CREM: variants seen among roughly 807,000 people sequenced by gnomAD.
CREM encodes cAMP responsive element modulator.
Under a neutral mutation model 37.3 loss-of-function variants are expected in CREM, and 13 were observed. The ratio of observed to expected loss-of-function variants is 0.35; its 90% CI spans 0.23 to 0.55. The LOEUF (loss-of-function observed/expected upper bound fraction) is 0.55. Ranked by LOEUF, CREM falls within the 20% of genes least tolerant of loss-of-function variation. The pLI, the probability that CREM is intolerant of heterozygous loss-of-function variation, is 0.88. For missense variants in CREM, 296 were observed against 362.3 expected (o/e 0.82, Z 1.49); for synonymous variants, 124 against 120.2 (o/e 1.03, Z -0.21).
At chr10:35,175,945 A>G in intron 3 of CREM, 1 of 1,551,492 alleles carries the variant, frequency 6.4e-7, no homozygotes, top group Non-Finnish European at 8.7e-7. Flanking sequence ...TCCAGGGAGT[A>G]ATTCAGACAC....
rs116004903 is a variant in CREM at position 35,181,373 on chromosome 10, A to C, written c.409+2097A>C. On this transcript the variant is annotated intron_variant, in intron 5 of 7. Coordinates refer to ENST00000685392, the MANE Select transcript of CREM (RefSeq NM_183011.2). ...AGACATGCTACTATTGGCATGAAAC[A>C]GAGAAATTAAGTTAGGTGTACCATT... 4.1e-3 allele frequency among the ~76,000 whole-genome samples: 617 copies of C among 152,326 alleles called. 5 individuals carry two copies. The highest frequency in any genetic ancestry group is 0.013 in the African/African-American group (537 of 41,560).
At position 35,157,054 on chromosome 10, in the gene CREM, G is replaced by A. The variant is rs531893569; in HGVS notation, c.168+8563G>A. 9.9e-5 allele frequency among the ~76,000 whole-genome samples: 15 copies of A among 152,224 alleles called. No individual in the cohort carries two copies. The East Asian group carries it at 1.9e-3, about 20-fold the overall frequency. ...TAAAAAGATCATTAACAGTGATCAA[G>A]TACCATTCATCCCAGGGATGCAAGG... On this transcript the variant is annotated intron_variant, in intron 3 of 7. Coordinates refer to ENST00000685392, the MANE Select transcript of CREM (RefSeq NM_183011.2).
chr10:35,146,832 G>A (rs1253107367), intron 2 of CREM, among the ~76,000 whole-genome samples: 2 of 152,140 alleles, frequency 1.3e-5, no homozygotes, highest in African/African-American at 2.4e-5. Context: ...GCAAAAGGCA[G>A]TAGGAAGTCA....
At chr10:35,157,226 T>G (rs1011886356) in intron 3 of CREM, among the ~76,000 whole-genome samples, 11 of 152,006 alleles carry the variant, frequency 7.2e-5, no homozygotes, top group African/African-American at 2.7e-4. Context: ...ACAAATTACA[T>G]AAAGAAGGGA....
At chr10:35,180,564 G>A (rs573505205) in intron 5 of CREM, among the ~76,000 whole-genome samples, 3 of 152,318 alleles carry the variant, frequency 2.0e-5, no homozygotes, top group East Asian at 1.9e-4. Flanking sequence ...GTATTCACAC[G>A]TTTGACAGGG....
At chr10:35,194,525 G>A (rs1424939791) in intron 6 of CREM, among the ~76,000 whole-genome samples, 4 of 152,158 alleles carry the variant, frequency 2.6e-5, no homozygotes, top group African/African-American at 9.7e-5. Flanking sequence ...CATAATACTT[G>A]CTCCATTGGC....
intron 6 of CREM, 125 bp from the exon 7 acceptor site, chr10:35,206,770 A>G (rs80311009): frequency 0.056 from 49,764 of 889,550 alleles, 1,635 homozygotes; most frequent in African/African-American, 0.065. Flanking sequence ...CAGAATAATT[A>G]TCTTAAACAT....
chr10:35,137,702 A>T, intron 1 of CREM, 80 bp from the exon 2 acceptor site: 1 of 569,712 alleles, frequency 1.8e-6, no homozygotes, highest in Non-Finnish European at 2.9e-6. Flanking sequence ...GAGAGGTTTT[A>T]ATTTAAATAA....
Position 35,138,009 on chromosome 10 carries a change from A to G in CREM, c.44+130A>G, listed in dbSNP as rs553643058. ...ATATATTCTATTATAATATATACTC[A>G]AATTATTCAGCCATTCACTTAAGGC... On this transcript the variant is annotated intron_variant, in intron 2 of 7. Transcript: ENST00000685392. The G allele has an allele frequency of 4.5e-5, 25 of 550,936 alleles. No individual in the cohort carries two copies. In the African/African-American group the frequency reaches 4.8e-4, roughly 10 times the overall value. 34.1% of individuals were successfully genotyped at this position (550,936 alleles called of 1,614,324 possible).
intron 3 of CREM, among the ~76,000 whole-genome samples, chr10:35,157,055 T>A (rs2136232319): frequency 6.6e-6 from 1 of 152,274 alleles, no homozygotes; most frequent in Non-Finnish European, 1.5e-5. Flanking sequence ...AGTGATCAAG[T>A]ACCATTCATC....
intron 1 of CREM, among the ~76,000 whole-genome samples, chr10:35,136,912 C>A (rs1201146126): frequency 2.6e-5 from 4 of 151,482 alleles, no homozygotes; most frequent in African/African-American, 9.7e-5. Flanking sequence ...CCTCAACTTT[C>A]CGCGCTCAAG....
chr10:35,148,659 T>G, intron 3 of CREM, 168 bp downstream of exon 3: 1 of 740,970 alleles, frequency 1.3e-6, no homozygotes, highest in Non-Finnish European at 2.1e-6. Flanking sequence ...TAGCCTTGCA[T>G]TTTAACAGAC....
At chr10:35,176,617 G>C (rs569467664) in intron 3 of CREM, among the ~76,000 whole-genome samples, 3 of 151,910 alleles carry the variant, frequency 2.0e-5, no homozygotes, top group Non-Finnish European at 4.4e-5. Flanking sequence ...CACCGTGTTA[G>C]CCAGGATGGT....
At chr10:35,142,855 G>T (rs549408566) in intron 2 of CREM, among the ~76,000 whole-genome samples, 4 of 152,250 alleles carry the variant, frequency 2.6e-5, no homozygotes, top group African/African-American at 9.6e-5. Flanking sequence ...TGATCCTTCT[G>T]CCTTGGCCCC....
At chr10:35,161,935 A>G (rs1355705982) in intron 3 of CREM, among the ~76,000 whole-genome samples, 1 of 152,214 alleles carries the variant, frequency 6.6e-6, no homozygotes, top group Non-Finnish European at 1.5e-5. Context: ...ATCTATCCAA[A>G]GGAGATGAAA....
chr10:35,172,604 A>G (rs1429526601), intron 3 of CREM, among the ~76,000 whole-genome samples: 1 of 151,986 alleles, frequency 6.6e-6, no homozygotes, highest in Non-Finnish European at 1.5e-5. Flanking sequence ...TTTACTTAAG[A>G]ATATCTTTGA....
At chr10:35,148,638 C>T (rs927003233) in intron 3 of CREM, 147 bp downstream of exon 3, 31 of 892,700 alleles carry the variant, frequency 3.5e-5, no homozygotes, top group Middle Eastern at 5.1e-4. Context: ...AGAAAAGATA[C>T]GTGTTGTAAT....
chr10:35,127,080 C>T lies in CREM; in HGVS notation c.-168C>T, dbSNP rs999034425. On this transcript the variant is annotated 5_prime_UTR_variant, in exon 1 of 8. Transcript: ENST00000685392. ...GAGGACTACGTGGGGCCGCTGCCGG[C>T]TCCGGGTTGCTGGGCGGCGGCGCCG... is the stretch of plus-strand genomic sequence containing the variant. 1 of 152,746 alleles carries T rather than the reference C, an allele frequency of 6.5e-6. No individual in the cohort carries two copies. Among genetic ancestry groups the T allele is most frequent in the Non-Finnish European group, 1.5e-5 (1 of 68,080 alleles). 9.5% of individuals were successfully genotyped at this position (152,746 alleles called of 1,614,324 possible).
intron 7 of CREM, among the ~76,000 whole-genome samples, chr10:35,207,433 A>C (rs930286298): frequency 6.6e-6 from 1 of 151,086 alleles, no homozygotes; most frequent in East Asian, 1.9e-4. Flanking sequence ...AATAAATGAT[A>C]ATAAAATAAT....
Sources: allele counts gnomAD v4.1 joint callset (sites outside exome capture counted in the v4.1 genomes callset), GRCh38; gene constraint gnomAD v4.1.1; transcripts MANE v1.5; gene names NCBI Gene and HGNC (gene_info 2026-07-23, HGNC 2026-07-21).